Variants in HSPBP1 observed in about 807,000 individuals in gnomAD.
HSPBP1 encodes the protein HSPA (Hsp70) binding protein 1.
A neutral mutation model predicts 41.7 loss-of-function variants in HSPBP1; 31 were observed. That is an observed-to-expected ratio of 0.74 (90% CI 0.56 to 1.00). The LOEUF is 1.00. Among genes scored for constraint, HSPBP1 ranks in the 50% least tolerant of loss-of-function variants. The pLI is 0.00. For missense variants in HSPBP1, 439 were observed against 487.9 expected, an observed-to-expected ratio of 0.90 and a Z score of 0.94; for synonymous variants, 199 against 214.4, an observed-to-expected ratio of 0.93 and a Z score of 0.63.
chr19:55,270,825 CCA>C lies in HSPBP1; in HGVS notation c.640+3571_640+3572del, dbSNP rs1389399228. ...ACACCTCATATGCACCCCACATACC[CCA>C]CACATATACATACATCCCCCCAGCA... On this transcript the variant is annotated intron_variant, in intron 4 of 7. Transcript: ENST00000433386. This position sits in a 1 kb window ranked among gnomAD's most constrained non-coding sequence, Gnocchi z 5.4. Among the ~76,000 whole-genome samples, 1 of 151,376 alleles carries C rather than the reference CCA, an allele frequency of 6.6e-6. No individual in the cohort carries two copies. The highest frequency in any genetic ancestry group is 2.4e-5 in the African/African-American group (1 of 41,144).
rs561586362 is a variant in HSPBP1, at chr19:55,278,118, G to A, written c.211-272C>T. Reference sequence around the variant, plus strand: ...AAAAATTAGCCAGGCCTGGTGGCGTGAGCCTGTAATCCCAGCTACTCGGGA... The same window carrying A: ...AAAAATTAGCCAGGCCTGGTGGCGTAAGCCTGTAATCCCAGCTACTCGGGA... On this transcript the variant is annotated intron_variant, in intron 2 of 7. Transcript: ENST00000433386. 3.9e-5 allele frequency among the ~76,000 whole-genome samples: 6 copies of A among 152,110 alleles called. No individual in the cohort carries two copies. In the South Asian group the frequency reaches 8.3e-4, roughly 21 times the overall value.
chr19:55,262,886 C>G (rs2087683547), intron 7 of HSPBP1, among the ~76,000 whole-genome samples: 1 of 152,124 alleles, frequency 6.6e-6, no homozygotes, highest in African/African-American at 2.4e-5. Flanking sequence ...GAACTAGAAC[C>G]CGGGGTCCCC....
intron 4 of HSPBP1, among the ~76,000 whole-genome samples, chr19:55,269,014 G>A (rs1482636904): frequency 3.3e-5 from 5 of 152,140 alleles, no homozygotes; most frequent in Non-Finnish European, 5.9e-5. Flanking sequence ...AGGCATGCAT[G>A]GACTGGAAAA....
At chr19:55,276,206 A>G (rs1280096633) in intron 3 of HSPBP1, among the ~76,000 whole-genome samples, 2 of 152,050 alleles carry the variant, frequency 1.3e-5, no homozygotes, top group Non-Finnish European at 2.9e-5. Flanking sequence ...GTCACGTTAT[A>G]ATCATCTATA....
rs752030092 is a variant in HSPBP1 at position 55,270,889 on chromosome 19, CCA to C, written c.640+3507_640+3508del. ...CACACATACACATGCAACACACACA[CCA>C]CACACACCTCCACATATATACCACA... On this transcript the variant is annotated intron_variant, in intron 4 of 7. Transcript: ENST00000433386. The surrounding 1 kb of genome is among the most constrained non-coding windows in gnomAD (Gnocchi z 5.4). Among the ~76,000 whole-genome samples the C allele has an allele frequency of 6.6e-6, 1 of 151,410 alleles. No individual in the cohort carries two copies. Among genetic ancestry groups the C allele is most frequent in the Non-Finnish European group, 1.5e-5 (1 of 67,812 alleles).
rs1427681850 is a variant in HSPBP1, at chr19:55,262,440, C to A, written c.*168G>T. On this transcript the variant is annotated 3_prime_UTR_variant, in exon 8 of 8. Transcript: ENST00000433386. The stretch of plus-strand genomic sequence containing the variant: ...AGCATGGGAGGTGGGGTCCAAGGAG[C>A]TGGTGCCTTTCTCAGCGCCCCTTCC... 6 of 1,426,544 alleles carry A rather than the reference C, an allele frequency of 4.2e-6. No individual in the cohort carries two copies. The East Asian group carries it at 1.5e-4, about 36-fold the overall frequency. The allele number at this position is 1,426,544 out of a possible 1,614,324, so 88.4% of individuals were successfully genotyped here. A position where few individuals can be genotyped will look rare whatever the true frequency, so the allele number is the denominator to read the frequency against.
intron 7 of HSPBP1, among the ~76,000 whole-genome samples, chr19:55,264,419 C>T (rs1228590876): frequency 6.6e-6 from 1 of 152,200 alleles, no homozygotes; most frequent in Non-Finnish European, 1.5e-5. Context: ...CAAATTAATG[C>T]ATTACTTAAT....
intron 7 of HSPBP1, 21 bp downstream of exon 7, chr19:55,265,257 C>A: frequency 6.5e-7 from 1 of 1,548,438 alleles, no homozygotes; most frequent in Non-Finnish European, 8.8e-7. Flanking sequence ...CCTCCTTGCA[C>A]CCCGTCCCCT....
intron 4 of HSPBP1, among the ~76,000 whole-genome samples, chr19:55,267,752 C>T (rs543337709): frequency 3.9e-4 from 60 of 152,350 alleles, no homozygotes; most frequent in African/African-American, 1.4e-3. Flanking sequence ...AGCCACCGTC[C>T]CCAGTCCGCA....
In HSPBP1 at chr19:55,262,284, G is replaced by A. The variant is rs1030958745; in HGVS notation, c.*324C>T. On this transcript the variant is annotated 3_prime_UTR_variant, in exon 8 of 8. Coordinates refer to ENST00000433386, the MANE Select transcript of HSPBP1 (RefSeq NM_012267.5). ...GTGGCTCCCCAAGTCCCTTAAACCC[G>A]TGCCCCTCCTCCCGTCCCCCATGCA... The A allele has an allele frequency of 4.3e-6, 4 of 940,020 alleles. No homozygotes were observed. The highest frequency in any genetic ancestry group is 1.2e-4 in the East Asian group (2 of 16,988). The allele number at this position is 940,020 out of a possible 1,614,324, so 58.2% of individuals were successfully genotyped here.
chr19:55,269,484 A>C (rs2087866702), intron 4 of HSPBP1, among the ~76,000 whole-genome samples: 1 of 152,190 alleles, frequency 6.6e-6, no homozygotes, highest in Non-Finnish European at 1.5e-5. Flanking sequence ...TTTTGGAAAG[A>C]AAGCCAAAGT....
rs1332027919 is a variant in HSPBP1, at chr19:55,274,515, T to G, written c.523A>C (p.Asn175His). 5.0e-6 allele frequency: 8 copies of G among 1,605,126 alleles called. No homozygotes were observed. The highest frequency in any genetic ancestry group is 6.8e-6 in the Non-Finnish European group (8 of 1,178,048). The change falls in exon 4 of 8, where the codon AAC becomes CAC. Residue 175 changes from asparagine (N) to histidine (H), a missense_variant. Transcript: ENST00000433386. Reference protein sequence around the residue: ...AAQLIGTCSQNVAAIQEQVLG... With the variant: ...AAQLIGTCSQHVAAIQEQVLG... The stretch of plus-strand genomic sequence containing the variant: ...ACCTGCTCCTGGATGGCTGCCACGT[T>G]CTGACTGCACGTGCCGATGAGCTGT...
intron 4 of HSPBP1, 32 bp downstream of exon 4, chr19:55,274,366 A>ACCCCCCCCCCCCCCCCCCCCC: frequency 4.4e-6 from 1 of 228,482 alleles, no homozygotes. Flanking sequence ...CACCGCCAGC[A>ACCCCCCCCCCCCCCCCCCCCC]CCCCTGTCCC....
chr19:55,265,853 C>T, intron 6 of HSPBP1, 33 bp downstream of exon 6: 1 of 1,522,534 alleles, frequency 6.6e-7, no homozygotes, highest in Non-Finnish European at 8.9e-7. Context: ...GGGCCCCCAC[C>T]CCAGGCCCCG....
At chr19:55,278,794 A>C (rs2088145402) in intron 2 of HSPBP1, among the ~76,000 whole-genome samples, 1 of 152,108 alleles carries the variant, frequency 6.6e-6, no homozygotes, top group South Asian at 2.1e-4. Context: ...CATGCCTCTA[A>C]TCCCAGCTAC....
chr19:55,262,647 G>C lies in HSPBP1; in HGVS notation c.1041C>G (p.Thr347=). ...ELEFCEKLLQ[T]CFSSPADDSM... The stretch of plus-strand genomic sequence containing the variant: ...TGTCGTCCGCTGGGCTGGAGAAACA[G>C]GTCTGTAGCAGCTTTTCACAGAACT... The change falls in exon 8 of 8, where the codon ACC becomes ACG. Residue 347 remains threonine (T), a synonymous_variant. Coordinates refer to ENST00000433386, the MANE Select transcript of HSPBP1 (RefSeq NM_012267.5). The C allele has an allele frequency of 6.2e-7, 1 of 1,613,898 alleles. No individual in the cohort carries two copies. Among genetic ancestry groups the C allele is most frequent in the East Asian group, 2.2e-5 (1 of 44,870 alleles).
At chr19:55,280,152 TACCC>T (rs1472781979), upstream of HSPBP1, 1 of 191,806 alleles carries the variant, frequency 5.2e-6, no homozygotes, top group Non-Finnish European at 1.1e-5. Context: ...GTGCCAGGCG[TACCC>T]ACCCAACTTC....
chr19:55,265,644 A>G (rs2087755316), intron 6 of HSPBP1, among the ~76,000 whole-genome samples: 1 of 151,912 alleles, frequency 6.6e-6, no homozygotes. Context: ...ATCTGATTAG[A>G]CACTAATCCA....
chr19:55,277,586 G>A, intron 3 of HSPBP1, 56 bp downstream of exon 3: 1 of 1,529,132 alleles, frequency 6.5e-7, no homozygotes, highest in Non-Finnish European at 8.9e-7. Flanking sequence ...CAAGAGCTGA[G>A]AGGCAGCAGG....
Sources: allele counts gnomAD v4.1 joint callset (sites outside exome capture counted in the v4.1 genomes callset), GRCh38; gene constraint gnomAD v4.1.1; non-coding constraint Gnocchi (gnomAD v3.1); transcripts MANE v1.5; gene names NCBI Gene and HGNC (gene_info 2026-07-23, HGNC 2026-07-21).